GABRA5: variants seen among roughly 807,000 people sequenced by gnomAD.
GABRA5 encodes the protein gamma-aminobutyric acid receptor subunit alpha-5.
A neutral mutation model predicts 47.3 loss-of-function variants in GABRA5; 18 were observed. That is an observed-to-expected ratio of 0.38 (90% CI 0.26 to 0.56). The LOEUF (loss-of-function observed/expected upper bound fraction) is 0.56, where lower values mean the gene tolerates loss of function less well. Among genes scored for constraint, GABRA5 ranks in the 20% least tolerant of loss-of-function variants. GABRA5 has a pLI of 0.71. For missense variants in GABRA5, 365 were observed against 599.3 expected (o/e 0.61, Z 4.08); for synonymous variants, 237 against 229.3 (o/e 1.03, Z -0.30).
At chr15:26,946,549 T>C (rs1422211369) in intron 10 of GABRA5, among the ~76,000 whole-genome samples, 1 of 152,142 alleles carries the variant, frequency 6.6e-6, no homozygotes. Context: ...TACTGTTTTA[T>C]TCCTTTGAAG....
intron 6 of GABRA5, among the ~76,000 whole-genome samples, chr15:26,897,281 G>T (rs1456648411): frequency 6.6e-6 from 1 of 152,226 alleles, no homozygotes; most frequent in South Asian, 2.1e-4. Context: ...ATTAGGAAGG[G>T]CCCTCATCCA....
intron 7 of GABRA5, among the ~76,000 whole-genome samples, chr15:26,936,645 C>T (rs932603259): frequency 1.3e-5 from 2 of 152,296 alleles, no homozygotes; most frequent in African/African-American, 2.4e-5. Context: ...CTTGCCACAC[C>T]ACCTTCACAC....
intron 7 of GABRA5, among the ~76,000 whole-genome samples, chr15:26,927,907 C>T (rs1893999648): frequency 6.6e-6 from 1 of 152,180 alleles, no homozygotes; most frequent in South Asian, 2.1e-4. Flanking sequence ...GGTATCTCTA[C>T]TCTTAAGAAT....
intron 3 of GABRA5, among the ~76,000 whole-genome samples, chr15:26,871,198 A>G (rs1892463938): frequency 6.6e-6 from 1 of 150,666 alleles, no homozygotes; most frequent in Non-Finnish European, 1.5e-5. Flanking sequence ...TGTCTCAAAA[A>G]CAAAACAAAA....
chr15:26,921,283 T>G (rs1406162196), intron 7 of GABRA5, among the ~76,000 whole-genome samples: 2 of 152,180 alleles, frequency 1.3e-5, no homozygotes, highest in East Asian at 3.8e-4. Flanking sequence ...ATTTATGATT[T>G]AAATTTTCTT....
rs538567850 is a variant in GABRA5 at position 26,894,903 on chromosome 15, T to C, written c.497+11346T>C. 8.7e-4 allele frequency among the ~76,000 whole-genome samples: 133 copies of C among 152,216 alleles called. 1 individual carries two copies. The South Asian group carries it at 0.025, about 28-fold the overall frequency. On this transcript the variant is annotated intron_variant, in intron 6 of 10. Coordinates refer to ENST00000335625, the MANE Select transcript of GABRA5 (RefSeq NM_000810.4). ...CATTTGTTTCCGTGGGTCCGACTTCTGTCTATTTTATTTTCTGACATGGTT... is the reference window on the plus strand; with the variant it reads ...CATTTGTTTCCGTGGGTCCGACTTCCGTCTATTTTATTTTCTGACATGGTT...
At chr15:26,938,356 AAGCAATTGCGAT>A (rs1894297338) in intron 8 of GABRA5, among the ~76,000 whole-genome samples, 1 of 152,192 alleles carries the variant, frequency 6.6e-6, no homozygotes, top group Non-Finnish European at 1.5e-5. Flanking sequence ...AGTTTGGTGT[AAGCAATTGCGAT>A]GCTGAGGGAG....
At chr15:26,880,706 C>T in intron 3 of GABRA5, 140 bp from the exon 4 acceptor site, 2 of 777,618 alleles carry the variant, frequency 2.6e-6, no homozygotes, top group South Asian at 1.8e-5. Context: ...AAACAATCCC[C>T]TAGGCACTAT....
intron 7 of GABRA5, among the ~76,000 whole-genome samples, chr15:26,918,627 CTTACGTTGGGTGCATAT>C (rs1275224533): frequency 6.6e-6 from 1 of 152,100 alleles, no homozygotes; most frequent in African/African-American, 2.4e-5. Flanking sequence ...TTCAGTTGTT[CTTACGTTGGGTGCATAT>C]TTACTTATAA....
intron 7 of GABRA5, among the ~76,000 whole-genome samples, chr15:26,922,909 A>G (rs1008182872): frequency 1.3e-5 from 2 of 152,202 alleles, no homozygotes; most frequent in African/African-American, 4.8e-5. Flanking sequence ...TATAGGCATG[A>G]GCCACTGTGC....
At chr15:26,920,576 T>G (rs1893820418) in intron 7 of GABRA5, among the ~76,000 whole-genome samples, 1 of 152,206 alleles carries the variant, frequency 6.6e-6, no homozygotes, top group Admixed American at 6.5e-5. Context: ...TAACTCCATT[T>G]CATTAGGCTC....
At chr15:26,876,887 A>G (rs1011539904) in intron 3 of GABRA5, among the ~76,000 whole-genome samples, 1 of 152,216 alleles carries the variant, frequency 6.6e-6, no homozygotes, top group Non-Finnish European at 1.5e-5. Flanking sequence ...CAGGACCCCC[A>G]GTGTGGCTGG....
rs528027238 is a variant in GABRA5, at chr15:26,883,929, G to A, written c.497+372G>A. 6.6e-6 allele frequency among the ~76,000 whole-genome samples: 1 copy of A among 152,240 alleles called. No individual in the cohort carries two copies. The highest frequency in any genetic ancestry group is 1.9e-4 in the East Asian group (1 of 5,172). ...CACCTTTAATCCCAACACTCTGGGA[G>A]GCTGAGGTGGGAGGATTGCTTGAGG... On this transcript the variant is annotated intron_variant, in intron 6 of 10. Transcript: ENST00000335625. The surrounding 1 kb of genome is among the most constrained non-coding windows in gnomAD (Gnocchi z 4.8).
chr15:26,936,540 T>C (rs1438228787), intron 7 of GABRA5, among the ~76,000 whole-genome samples: 1 of 152,198 alleles, frequency 6.6e-6, no homozygotes, highest in Non-Finnish European at 1.5e-5. Flanking sequence ...AATCTTCTGA[T>C]ATTAAGGTCC....
At chr15:26,884,817 C>G (rs993760387) in intron 6 of GABRA5, among the ~76,000 whole-genome samples, 4 of 152,184 alleles carry the variant, frequency 2.6e-5, no homozygotes, top group Admixed American at 2.6e-4. Context: ...ACCAACGGCG[C>G]GGTGCAGTCT....
chr15:26,905,223 T>C (rs893300975), intron 6 of GABRA5, among the ~76,000 whole-genome samples: 5 of 152,130 alleles, frequency 3.3e-5, no homozygotes, highest in African/African-American at 1.2e-4. Context: ...TGGAATATCA[T>C]AATTTCTTCT....
rs1036873490 is a variant in GABRA5 at position 26,908,285 on chromosome 15, G to A, written c.498-6518G>A. On this transcript the variant is annotated intron_variant, in intron 6 of 10. Coordinates refer to ENST00000335625, the MANE Select transcript of GABRA5 (RefSeq NM_000810.4). ...CCACTCATAGCACAAACTATGCTCC[G>A]TGTGCATGATGTGAATCTCCTCTTC... 1.5e-4 allele frequency among the ~76,000 whole-genome samples: 23 copies of A among 152,140 alleles called. No individual in the cohort carries two copies. In the East Asian group the frequency reaches 2.1e-3, roughly 14 times the overall value.
At chr15:26,875,648 T>C (rs938245744) in intron 3 of GABRA5, among the ~76,000 whole-genome samples, 1 of 152,002 alleles carries the variant, frequency 6.6e-6, no homozygotes, top group Non-Finnish European at 1.5e-5. Context: ...AGGTGCATGC[T>C]TGATGTGTTA....
At chr15:26,894,256 G>A (rs953958775) in intron 6 of GABRA5, among the ~76,000 whole-genome samples, 1 of 152,158 alleles carries the variant, frequency 6.6e-6, no homozygotes, top group Non-Finnish European at 1.5e-5. Flanking sequence ...CTTCTCTCGG[G>A]ATGCTTTTCC....
Sources: allele counts gnomAD v4.1 joint callset (sites outside exome capture counted in the v4.1 genomes callset), GRCh38; gene constraint gnomAD v4.1.1; non-coding constraint Gnocchi (gnomAD v3.1); transcripts MANE v1.5; gene names NCBI Gene and HGNC (gene_info 2026-07-23, HGNC 2026-07-21).